The following GRK1 variants were observed in gnomAD, a reference collection of about 807,000 sequenced individuals.
The protein encoded by GRK1 is G protein-coupled receptor kinase 1, also known as rhodopsin kinase GRK1.
GRK1 carries 28 observed loss-of-function variants against 41.7 expected under a neutral mutation model. That is an observed-to-expected ratio of 0.67 (90% CI 0.50 to 0.92). GRK1 has a LOEUF of 0.92. GRK1 is among the 40% of genes least tolerant of loss of function. The pLI, the probability that GRK1 is intolerant of heterozygous loss-of-function variation, is 0.00. For synonymous variants in GRK1, 327 were observed against 286.7 expected (o/e 1.14, Z -1.42); for missense variants, 703 against 671.2 (o/e 1.05, Z -0.52).
chr13:113,726,856 T>C (rs1006038205), intron 4 of GRK1, among the ~76,000 whole-genome samples: 2 of 152,224 alleles, frequency 1.3e-5, no homozygotes, highest in African/African-American at 4.8e-5. Context: ...ATTCAGGGCC[T>C]GTGGTTCTGT....
chr13:113,733,194 C>T, intron 6 of GRK1, 109 bp downstream of exon 6: 1 of 1,089,814 alleles, frequency 9.2e-7, no homozygotes, highest in East Asian at 2.6e-5. Context: ...GTGCCTCAGA[C>T]CCCCAAGGCT....
intron 4 of GRK1, among the ~76,000 whole-genome samples, chr13:113,724,406 G>A (rs1247267678): frequency 6.6e-6 from 1 of 152,236 alleles, no homozygotes; most frequent in Non-Finnish European, 1.5e-5. Flanking sequence ...TGTTTTGGCT[G>A]TGGGGAGGCA....
intron 4 of GRK1, among the ~76,000 whole-genome samples, chr13:113,729,815 C>T (rs141504997): frequency 0.14 from 20,860 of 151,102 alleles, 1,554 homozygotes; most frequent in Middle Eastern, 0.22. Context: ...AGACAGTTGC[C>T]ACGGCTGAGC....
the GRK1 span, chr13:113,650,607 G>A: frequency 1.2e-6 from 1 of 842,542 alleles, no homozygotes; most frequent in Non-Finnish European, 1.9e-6. The surrounding 1 kb of genome is among the most constrained non-coding windows in gnomAD (Gnocchi z 5.0). Context: ...GCGCTGTGTA[G>A]GTGCTTGCAT....
chr13:113,669,682 T>C lies in GRK1; in HGVS notation c.700-5T>C, dbSNP rs9796234. ...CCAGTGCGTACTCAGCGTCTCACTT[T>C]TCAGGGTGCTATGGTGGAGAAGAAG... On this transcript the variant is annotated splice_polypyrimidine_tract_variant and splice_region_variant and intron_variant, in intron 1 of 6. Transcript: ENST00000335678. 0.52 allele frequency: 833,202 copies of C among 1,613,474 alleles called. 221,354 individuals are homozygous for C. The highest frequency in any genetic ancestry group is 0.65 in the South Asian group (58,801 of 91,070).
At chr13:113,733,992 A>G (rs879272378) in intron 6 of GRK1, among the ~76,000 whole-genome samples, 15,646 of 121,080 alleles carry the variant, frequency 0.13, 1,157 homozygotes, top group Middle Eastern at 0.28. Context: ...GTGTGTGCAT[A>G]CATGTGTGTG....
rs917628655 is a variant in GRK1, at chr13:113,671,634, G to A, written c.963G>A (p.Glu321=). 1.3e-6 allele frequency: 1 copy of A among 767,274 alleles called. No homozygotes were observed. The highest frequency in any genetic ancestry group is 2.4e-6 in the Non-Finnish European group (1 of 417,050). 47.5% of individuals were successfully genotyped at this position (767,274 alleles called of 1,614,324 possible). Residue 321 remains glutamate (E), a synonymous_variant, in exon 3 of 7, where the codon GAG becomes GAA. Transcript: ENST00000335678. This position sits in a 1 kb window ranked among gnomAD's most constrained non-coding sequence, Gnocchi z 4.1. The part of the protein sequence containing the change: ...RRIVYRDLKP[E]NVLLDNDGNV... Reference sequence around the variant, plus strand: ...TCGTCTACCGCGACCTCAAGCCCGAGAACGTGCTGCTGGACAATGACGGTA... The same window carrying A: ...TCGTCTACCGCGACCTCAAGCCCGAAAACGTGCTGCTGGACAATGACGGTA...
At chr13:113,734,221 C>T (rs904071125) in intron 6 of GRK1, among the ~76,000 whole-genome samples, 1 of 152,184 alleles carries the variant, frequency 6.6e-6, no homozygotes, top group South Asian at 2.1e-4. Context: ...ACCCCCCAAA[C>T]GAGAAGTCGC....
At chr13:113,664,466 A>C (rs548481804), upstream of GRK1, among the ~76,000 whole-genome samples, 7 of 151,598 alleles carry the variant, frequency 4.6e-5, 1 homozygote, top group South Asian at 1.4e-3. This position sits in a 1 kb window ranked among gnomAD's most constrained non-coding sequence, Gnocchi z 5.4. Context: ...GAATTTGGGA[A>C]ACGACATACT....
At chr13:113,723,690 C>A (rs1282937641) in intron 4 of GRK1, among the ~76,000 whole-genome samples, 1 of 152,100 alleles carries the variant, frequency 6.6e-6, no homozygotes, top group Non-Finnish European at 1.5e-5. Flanking sequence ...ATAAGCAGTT[C>A]CCAGCTTGAC....
chr13:113,727,598 AATGAGGAGTACCCATGGCG>A (rs1566696513), intron 4 of GRK1, among the ~76,000 whole-genome samples: 2 of 109,574 alleles, frequency 1.8e-5, no homozygotes, highest in African/African-American at 3.7e-5. Context: ...TACCCATGGC[AATGAGGAGTACCCATGGCG>A]ATGAGGACCC....
intron 6 of GRK1, among the ~76,000 whole-genome samples, chr13:113,733,587 GTGTGTGTGCA>G (rs2049956507): frequency 6.7e-6 from 1 of 149,922 alleles, no homozygotes; most frequent in African/African-American, 2.5e-5. Context: ...GTGTGCATAC[GTGTGTGTGCA>G]TGTGTGCGCA....
rs955625217 is a variant in GRK1 at position 113,671,893 on chromosome 13, C to A, written c.985+237C>A. Among the ~76,000 whole-genome samples the A allele has an allele frequency of 1.5e-4, 23 of 152,216 alleles. No homozygotes were observed. The highest frequency in any genetic ancestry group is 3.3e-4 in the Admixed American group (5 of 15,306). ...GAACGGCGAGTCTGTTACGCCCAGT[C>A]CCCACCTTCCTTCTGCCTGAATGAG... On this transcript the variant is annotated intron_variant, in intron 3 of 6. Coordinates refer to ENST00000335678, the MANE Select transcript of GRK1 (RefSeq NM_002929.3). The surrounding 1 kb of genome is among the most constrained non-coding windows in gnomAD (Gnocchi z 4.1).
the GRK1 span, among the ~76,000 whole-genome samples, chr13:113,659,191 C>T: frequency 6.6e-6 from 1 of 152,218 alleles, no homozygotes; most frequent in East Asian, 1.9e-4. Flanking sequence ...ACTTCAGAAC[C>T]CCGGCTCAGA....
intron 6 of GRK1, 144 bp downstream of exon 6, chr13:113,733,229 C>G (rs1594580575): frequency 2.7e-6 from 2 of 730,966 alleles, no homozygotes; most frequent in African/African-American, 1.8e-5. Context: ...AGCAAGGCCC[C>G]CAGTCCTCCA....
At chr13:113,669,570 T>A (rs2049842181) in intron 1 of GRK1, 117 bp from the exon 2 acceptor site, 10 of 1,257,714 alleles carry the variant, frequency 8.0e-6, no homozygotes. Context: ...TTAAAGCATG[T>A]TTGCGACTGC....
the GRK1 span, chr13:113,650,361 G>T: frequency 2.6e-6 from 4 of 1,550,720 alleles, no homozygotes; most frequent in South Asian, 4.5e-5. The surrounding 1 kb of genome is among the most constrained non-coding windows in gnomAD (Gnocchi z 5.0). Flanking sequence ...AGTGTGAGAG[G>T]ACTCAGCAGC....
At chr13:113,651,768 A>G in the GRK1 span, 6 of 1,601,512 alleles carry the variant, frequency 3.7e-6, no homozygotes, top group Non-Finnish European at 5.1e-6. Context: ...CCCCACCCCC[A>G]CCGCCATGTG....
In GRK1 at chr13:113,735,155, G is replaced by T. The variant is rs2049993629; in HGVS notation, c.1484G>T (p.Gly495Val). 6.5e-7 allele frequency: 1 copy of T among 1,537,090 alleles called. No individual in the cohort carries two copies. The highest frequency in any genetic ancestry group is 1.4e-5 in the African/African-American group (1 of 73,050). ...GTGGGTGCCTTTTCCACCGTCAAAG[G>T]TGTGGCCTTTGACAAAACAGACACA... The part of the protein sequence containing the change: ...QDVGAFSTVK[G>V]VAFDKTDTEF... The change falls in exon 7 of 7, where the codon GGT becomes GTT. Residue 495 changes from glycine to valine, a missense_variant. By Grantham distance (109) the Gly-to-Val change is moderately radical (BLOSUM62 -3). Coordinates refer to ENST00000335678, the MANE Select transcript of GRK1 (RefSeq NM_002929.3).
Sources: allele counts gnomAD v4.1 joint callset (sites outside exome capture counted in the v4.1 genomes callset), GRCh38; gene constraint gnomAD v4.1.1; non-coding constraint Gnocchi (gnomAD v3.1); transcripts MANE v1.5; gene names NCBI Gene and HGNC (gene_info 2026-07-23, HGNC 2026-07-21).